Variants in ASXL2 observed in about 807,000 individuals in gnomAD.
ASXL2 encodes putative Polycomb group protein ASXL2.
Under a neutral mutation model 122.0 loss-of-function variants are expected in ASXL2, and 23 were observed. The observed-to-expected ratio is 0.19, with a 90% CI of 0.14 to 0.27. The LOEUF (loss-of-function observed/expected upper bound fraction) is 0.27. Ranked by LOEUF, ASXL2 falls within the 10% of genes least tolerant of loss-of-function variation. ASXL2 has a pLI of 1.00. For synonymous variants in ASXL2, 650 were observed against 637.0 expected (o/e 1.02, Z -0.31); for missense variants, 1,518 against 1,713.8 (o/e 0.89, Z 2.02).
intron 3 of ASXL2, among the ~76,000 whole-genome samples, chr2:25,813,937 C>G (rs2089203414): frequency 6.6e-6 from 1 of 152,184 alleles, no homozygotes; most frequent in Admixed American, 6.5e-5. Context: ...GTTGTCCCAG[C>G]TACTTGGGAG....
chr2:25,866,180 G>C (rs2089902191), intron 1 of ASXL2, among the ~76,000 whole-genome samples: 3 of 150,854 alleles, frequency 2.0e-5, no homozygotes, highest in African/African-American at 7.3e-5. Context: ...CGCAAGGCTG[G>C]AGTGCAGTGG....
At chr2:25,849,442 G>A (rs537367143) in intron 1 of ASXL2, among the ~76,000 whole-genome samples, 3 of 121,842 alleles carry the variant, frequency 2.5e-5, no homozygotes, top group African/African-American at 6.4e-5. Flanking sequence ...GAAAGAGTGA[G>A]ACTCTGACTC....
intron 12 of ASXL2, among the ~76,000 whole-genome samples, chr2:25,748,885 C>T (rs2087986928): frequency 6.6e-6 from 1 of 152,196 alleles, no homozygotes; most frequent in South Asian, 2.1e-4. Context: ...CAATACAAGG[C>T]TAACTGGAAG....
chr2:25,774,223 T>G (rs909138156), intron 5 of ASXL2, among the ~76,000 whole-genome samples: 11 of 152,150 alleles, frequency 7.2e-5, no homozygotes, highest in African/African-American at 2.4e-4. Flanking sequence ...AATTTACTTA[T>G]ACAAACAACC....
chr2:25,751,299 GA>G (rs1386681613), intron 11 of ASXL2, among the ~76,000 whole-genome samples: 3 of 152,122 alleles, frequency 2.0e-5, no homozygotes, highest in Non-Finnish European at 4.4e-5. Flanking sequence ...AGTAATAGTT[GA>G]AAATAGAAAG....
In ASXL2 at chr2:25,757,796, TTTAGA is replaced by T; in HGVS notation, c.939+1681_940-1683del. Among the ~76,000 whole-genome samples the T allele has an allele frequency of 4.0e-5, 6 of 151,458 alleles. 1 individual carries two copies. Among genetic ancestry groups the T allele is most frequent in the Admixed American group, 3.9e-4 (6 of 15,218 alleles). ...AAATTGTATGTGGCAATCCTCCAGA[TTTAGA>T]ACTTGATAAAGAACATTAGTCAAAA... On this transcript the variant is annotated intron_variant, in intron 9 of 12. Coordinates refer to ENST00000435504, the MANE Select transcript of ASXL2 (RefSeq NM_018263.6).
Position 25,742,130 on chromosome 2 carries a change from G to A in ASXL2, c.4207C>T (p.Arg1403Cys), listed in dbSNP as rs546352636. ...IEGTPSKCYC[R>C]LKAMIMCKGC... is the part of the protein sequence containing the mutation. Reference sequence around the variant, plus strand: ...TTGCACATGATCATGGCTTTCAAGCGGCAGTAACATTTCGAAGGCGTGCCC... The same window carrying A: ...TTGCACATGATCATGGCTTTCAAGCAGCAGTAACATTTCGAAGGCGTGCCC... Residue 1403 changes from arginine to cysteine, a missense_variant, in exon 13 of 13, where the codon CGC becomes TGC. Arg to Cys is a radical substitution (Grantham distance 180, BLOSUM62 -3). Around this residue, in one of 8 missense-constraint regions of ASXL2, gnomAD observed 831 missense variants for 833.1 expected, o/e 1.00. Coordinates refer to ENST00000435504, the MANE Select transcript of ASXL2 (RefSeq NM_018263.6). The A allele has an allele frequency of 6.2e-6, 10 of 1,613,988 alleles. No individual in the cohort carries two copies. The highest frequency in any genetic ancestry group is 3.3e-5 in the Admixed American group (2 of 60,014).
chr2:25,857,372 G>A (rs983132508), intron 1 of ASXL2, among the ~76,000 whole-genome samples: 3 of 152,008 alleles, frequency 2.0e-5, no homozygotes, highest in Non-Finnish European at 4.4e-5. Flanking sequence ...TGGGTAGCTG[G>A]GACAAGGATT....
At chr2:25,872,648 A>C (rs148550653) in intron 1 of ASXL2, among the ~76,000 whole-genome samples, 1 of 152,328 alleles carries the variant, frequency 6.6e-6, no homozygotes, top group Non-Finnish European at 1.5e-5. Flanking sequence ...ATAAGGGAGA[A>C]ATAACTATAG....
intron 1 of ASXL2, among the ~76,000 whole-genome samples, chr2:25,860,893 T>C (rs1453998575): frequency 1.3e-5 from 2 of 151,492 alleles, no homozygotes; most frequent in African/African-American, 2.4e-5. Context: ...ATGCTTGTAG[T>C]CCCAGCTACT....
chr2:25,833,672 G>A (rs937525812), intron 3 of ASXL2, among the ~76,000 whole-genome samples: 6 of 152,032 alleles, frequency 3.9e-5, no homozygotes, highest in Middle Eastern at 3.4e-3. Context: ...CTCCAGCCTG[G>A]GCAACAGAGC....
chr2:25,837,146 C>G (rs1413378387), intron 2 of ASXL2, among the ~76,000 whole-genome samples: 1 of 151,534 alleles, frequency 6.6e-6, no homozygotes, highest in Non-Finnish European at 1.5e-5. Context: ...GGCATTAAGT[C>G]CGACACTTAA....
At chr2:25,866,375 C>T (rs1387870398) in intron 1 of ASXL2, among the ~76,000 whole-genome samples, 4 of 152,096 alleles carry the variant, frequency 2.6e-5, no homozygotes, top group Admixed American at 1.3e-4. Flanking sequence ...GTGAGTCGCC[C>T]GCCTTGGCCT....
In ASXL2 at chr2:25,744,410, G is replaced by C. The variant is rs769006435; in HGVS notation, c.1927C>G (p.Pro643Ala). Residue 643 changes from proline to alanine, a missense_variant, in exon 13 of 13, where the codon CCA becomes GCA. Physicochemically the swap from Pro to Ala is conservative, Grantham distance 27 (BLOSUM62 -1). Transcript: ENST00000435504. The surrounding 1 kb of genome is among the most constrained non-coding windows in gnomAD (Gnocchi z 4.7). Reference sequence around the variant, plus strand: ...CTGTTAGGACTAGTGATGGAGACTGGAAAACGAGCCCTGGGAGAGACCTGC... The same window carrying C: ...CTGTTAGGACTAGTGATGGAGACTGCAAAACGAGCCCTGGGAGAGACCTGC... ...PSQVSPRARF[P>A]VSITSPNRTG... 6.2e-7 allele frequency: 1 copy of C among 1,613,690 alleles called. No homozygotes were observed. The highest frequency in any genetic ancestry group is 1.7e-5 in the Admixed American group (1 of 59,924).
At chr2:25,809,896 G>A (rs1184930943) in intron 3 of ASXL2, 15 of 506,460 alleles carry the variant, frequency 3.0e-5, no homozygotes, top group African/African-American at 5.8e-5. Context: ...TCAGAGGGAG[G>A]AGCAGCAGCA....
In ASXL2 at chr2:25,766,574, T is replaced by C. The variant is rs1448151931; in HGVS notation, c.775+1009A>G. Among the ~76,000 whole-genome samples, 3 of 152,344 alleles carry C rather than the reference T, an allele frequency of 2.0e-5. No individual in the cohort carries two copies. In the East Asian group the frequency reaches 5.8e-4, roughly 29 times the overall value. ...ATACATTTGCCTGCAGACTTTTTTCTAAGACTATTCAATGTCTTTAGGTAC... is the reference window on the plus strand; with the variant it reads ...ATACATTTGCCTGCAGACTTTTTTCCAAGACTATTCAATGTCTTTAGGTAC... On this transcript the variant is annotated intron_variant, in intron 8 of 12. Coordinates refer to ENST00000435504, the MANE Select transcript of ASXL2 (RefSeq NM_018263.6).
chr2:25,797,451 A>G (rs1475199352), intron 5 of ASXL2, among the ~76,000 whole-genome samples: 1 of 152,256 alleles, frequency 6.6e-6, no homozygotes, highest in East Asian at 1.9e-4. Flanking sequence ...TCTCAAAACA[A>G]AAAAAGACAA....
At chr2:25,750,557 G>T in intron 11 of ASXL2, 144 bp from the exon 12 acceptor site, 1 of 741,520 alleles carries the variant, frequency 1.3e-6, no homozygotes, top group Non-Finnish European at 2.1e-6. Context: ...ACTATTAGTA[G>T]TAGTGAAAGT....
At chr2:25,867,209 G>T (rs923037500) in intron 1 of ASXL2, among the ~76,000 whole-genome samples, 2 of 151,490 alleles carry the variant, frequency 1.3e-5, no homozygotes, top group African/African-American at 4.8e-5. Flanking sequence ...ACTAATTTTT[G>T]TATTTTTAGT....
Sources: allele counts gnomAD v4.1 joint callset (sites outside exome capture counted in the v4.1 genomes callset), GRCh38; gene constraint gnomAD v4.1.1; regional missense constraint gnomAD v4.1.1; non-coding constraint Gnocchi (gnomAD v3.1); transcripts MANE v1.5; gene names NCBI Gene and HGNC (gene_info 2026-07-23, HGNC 2026-07-21).